Variants in GALK2 observed in about 807,000 individuals in gnomAD.
GALK2 encodes N-acetylgalactosamine kinase.
Under a neutral mutation model 52.4 loss-of-function variants are expected in GALK2, and 36 were observed. The observed-to-expected ratio is 0.69, with a 90% CI of 0.53 to 0.91. The LOEUF (loss-of-function observed/expected upper bound fraction) is 0.91, where lower values mean the gene tolerates loss of function less well. Ranked by LOEUF, GALK2 falls within the 40% of genes least tolerant of loss-of-function variation. The pLI is 0.00. For synonymous variants in GALK2, 176 were observed against 199.1 expected (o/e 0.88, Z 0.98); for missense variants, 579 against 559.1 (o/e 1.04, Z -0.36).
intron 1 of GALK2, among the ~76,000 whole-genome samples, chr15:49,199,782 AAG>A (rs2087579426): frequency 6.6e-6 from 1 of 152,174 alleles, no homozygotes; most frequent in Non-Finnish European, 1.5e-5. Context: ...AGCAGAAACT[AAG>A]AGGTTCACAG....
chr15:49,215,407 T>C (rs540038572), intron 2 of GALK2, among the ~76,000 whole-genome samples: 1 of 152,256 alleles, frequency 6.6e-6, no homozygotes, highest in East Asian at 1.9e-4. Context: ...GTAGAGAGGC[T>C]TCATTCTTTT....
downstream of GALK2, chr15:49,335,614 C>T (rs2039571971): frequency 1.6e-6 from 1 of 638,622 alleles, no homozygotes; most frequent in South Asian, 2.1e-5. Flanking sequence ...AATGAAGAGT[C>T]TCAAGTATAA....
intron 3 of GALK2, among the ~76,000 whole-genome samples, chr15:49,354,400 G>A (rs1049862537): frequency 1.4e-4 from 22 of 152,202 alleles, no homozygotes; most frequent in African/African-American, 5.3e-4. Context: ...CACCGTGCGT[G>A]AGCCGAAGCA....
intron 3 of GALK2, among the ~76,000 whole-genome samples, chr15:49,361,295 A>G (rs1016980155): frequency 6.6e-6 from 1 of 152,102 alleles, no homozygotes; most frequent in Non-Finnish European, 1.5e-5. Context: ...GGTTTGTTAC[A>G]TAGGTAAATT....
intron 5 of GALK2, 129 bp downstream of exon 5, chr15:49,239,496 C>A: frequency 1.3e-6 from 1 of 788,876 alleles, no homozygotes; most frequent in Non-Finnish European, 2.0e-6. Context: ...TGTGGGCAAG[C>A]ATTGTAACTT....
At chr15:49,199,652 A>G (rs1057421331) in intron 1 of GALK2, among the ~76,000 whole-genome samples, 3 of 110,344 alleles carry the variant, frequency 2.7e-5, no homozygotes, top group African/African-American at 7.9e-5. Flanking sequence ...CAAGCTGATT[A>G]TATCTTTTGA....
chr15:49,167,865 C>T (rs1027867419), upstream of GALK2, among the ~76,000 whole-genome samples: 5 of 152,070 alleles, frequency 3.3e-5, no homozygotes, highest in Non-Finnish European at 2.9e-5. Flanking sequence ...TTTTTGGTGT[C>T]CATTTGGGGT....
At chr15:49,156,385 A>T in intron 1 of GALK2, 1 of 418,066 alleles carries the variant, frequency 2.4e-6, no homozygotes, top group Non-Finnish European at 4.6e-6. Flanking sequence ...CGGAAAGGGA[A>T]ATCCGCAACA....
intron 9 of GALK2, chr15:49,327,044 T>TAAC (rs1423199933): frequency 6.6e-6 from 1 of 152,016 alleles, no homozygotes; most frequent in Non-Finnish European, 1.5e-5. Flanking sequence ...AAGTACATGT[T>TAAC]AACTTTCGTG....
At chr15:49,170,075 G>T, upstream of GALK2, 1 of 735,498 alleles carries the variant, frequency 1.4e-6, no homozygotes, top group Non-Finnish European at 2.0e-6. Context: ...CCCTCCCTGG[G>T]AGCTAAGAGC....
At chr15:49,253,709 C>G (rs533190462) in intron 5 of GALK2, among the ~76,000 whole-genome samples, 1 of 144,340 alleles carries the variant, frequency 6.9e-6, no homozygotes, top group South Asian at 2.3e-4. Context: ...TCAGAGACTT[C>G]CTGGAGCCTA....
intron 5 of GALK2, among the ~76,000 whole-genome samples, chr15:49,249,104 A>G (rs2091480498): frequency 6.6e-6 from 1 of 152,232 alleles, no homozygotes; most frequent in Admixed American, 6.5e-5. Flanking sequence ...ATTAAGTACT[A>G]CACATATGTG....
At chr15:49,366,700 C>A in intron 3 of GALK2, 2 of 1,409,898 alleles carry the variant, frequency 1.4e-6, no homozygotes, top group East Asian at 2.3e-5. Flanking sequence ...TGGTGGGTGG[C>A]GGGTGGGGTG....
Position 49,328,418 on chromosome 15 carries a change from A to T in GALK2, c.*259A>T. On this transcript the variant is annotated 3_prime_UTR_variant, in exon 10 of 10. Coordinates refer to ENST00000560031, the MANE Select transcript of GALK2 (RefSeq NM_002044.4). The stretch of plus-strand genomic sequence containing the variant: ...TTTTAAGAATAACTTACTGAGATTT[A>T]TTGATTTGAAGATTTTAAAGATGAA... The T allele has an allele frequency of 7.0e-7, 1 of 1,436,188 alleles. No homozygotes were observed. The highest frequency in any genetic ancestry group is 2.5e-5 in the East Asian group (1 of 40,666). The allele number at this position is 1,436,188 out of a possible 1,614,324, so 89.0% of individuals were successfully genotyped here. A position where few individuals can be genotyped will look rare whatever the true frequency, so the allele number is the denominator to read the frequency against.
chr15:49,273,047 A>T (rs1040522320), intron 5 of GALK2, among the ~76,000 whole-genome samples: 2 of 152,306 alleles, frequency 1.3e-5, no homozygotes, highest in Non-Finnish European at 2.9e-5. Flanking sequence ...GGTTCATTAG[A>T]TCACGTTCTC....
chr15:49,223,283 G>A (rs1050597346), intron 3 of GALK2: 6 of 151,560 alleles, frequency 4.0e-5, no homozygotes, highest in South Asian at 2.1e-4. Context: ...ACTTTTTTTC[G>A]TGGTTAATCT....
chr15:49,360,061 G>C (rs1185718575), intron 3 of GALK2, among the ~76,000 whole-genome samples: 2 of 137,736 alleles, frequency 1.5e-5, no homozygotes, highest in Non-Finnish European at 3.1e-5. Flanking sequence ...GACACAGGAA[G>C]GGGAATATCA....
At chr15:49,366,010 A>G (rs1386364568) in intron 3 of GALK2, 4 of 804,204 alleles carry the variant, frequency 5.0e-6, no homozygotes, top group Non-Finnish European at 9.0e-6. Context: ...GACTACAAAT[A>G]TTACAACTGT....
intron 5 of GALK2, among the ~76,000 whole-genome samples, chr15:49,260,878 G>T (rs1348704999): frequency 6.6e-6 from 1 of 152,142 alleles, no homozygotes; most frequent in East Asian, 1.9e-4. Context: ...GATAGTTGTA[G>T]ATATGTGGTG....
Sources: allele counts gnomAD v4.1 joint callset (sites outside exome capture counted in the v4.1 genomes callset), GRCh38; gene constraint gnomAD v4.1.1; transcripts MANE v1.5; gene names NCBI Gene and HGNC (gene_info 2026-07-23, HGNC 2026-07-21).